MDN1: variants seen among roughly 807,000 people sequenced by gnomAD.
MDN1 encodes the protein midasin.
Under a neutral mutation model 669.2 loss-of-function variants are expected in MDN1, and 266 were observed. The ratio of observed to expected loss-of-function variants is 0.40; its 90% confidence interval spans 0.36 to 0.44. The LOEUF is 0.44. MDN1 is among the 20% of genes least tolerant of loss of function. The probability of loss-of-function intolerance (pLI) is 1.00; values close to 1 mark genes in which losing one functional copy is unlikely to be tolerated. For missense variants in MDN1, 5,940 were observed against 6,754.0 expected (o/e 0.88, Z 4.22); for synonymous variants, 2,385 against 2,457.1 (o/e 0.97, Z 0.87).
At chr6:89,701,194 C>A (rs749688817) in intron 55 of MDN1, among the ~76,000 whole-genome samples, 1 of 152,168 alleles carries the variant, frequency 6.6e-6, no homozygotes, top group Admixed American at 6.5e-5. Flanking sequence ...TGGATGGTTG[C>A]GTCTGTGCTG....
chr6:89,664,439 A>C (rs1562053270), intron 85 of MDN1, 48 bp downstream of exon 85: 3 of 1,602,254 alleles, frequency 1.9e-6, no homozygotes, highest in Non-Finnish European at 2.6e-6. Context: ...CCTGGATAAA[A>C]TATTTATGCT....
In MDN1 at chr6:89,685,694, T is replaced by A. The variant is rs1269953343; in HGVS notation, c.11719+133A>T. The A allele has an allele frequency of 1.0e-5, 10 of 954,446 alleles. No individual in the cohort carries two copies. The Admixed American group carries it at 2.8e-4, about 27-fold the overall frequency. 59.1% of individuals were successfully genotyped at this position (954,446 alleles called of 1,614,324 possible). A position where few individuals can be genotyped will look rare whatever the true frequency, so the allele number is the denominator to read the frequency against. On this transcript the variant is annotated intron_variant, in intron 70 of 101. Coordinates refer to ENST00000369393, the MANE Select transcript of MDN1 (RefSeq NM_014611.3). The stretch of plus-strand genomic sequence containing the variant: ...TGTTCTTCTCTATATCTAATGTGAA[T>A]CGCATTAAACATAACTAAATGTGTC...
chr6:89,743,302 A>G (rs1251975085), intron 30 of MDN1, 22 bp from the exon 31 acceptor site: 3 of 1,613,742 alleles, frequency 1.9e-6, no homozygotes, highest in Admixed American at 3.3e-5. Flanking sequence ...AAAAGTGGGG[A>G]AAATTAAAGG....
chr6:89,777,712 C>T (rs1001470885), intron 11 of MDN1, among the ~76,000 whole-genome samples: 1 of 152,114 alleles, frequency 6.6e-6, no homozygotes, highest in African/African-American at 2.4e-5. Context: ...AGGTGATTTT[C>T]AGATTTTTGC....
In MDN1 at chr6:89,688,008, A is replaced by C. The variant is rs1812135480; in HGVS notation, c.11355+70T>G. 7 of 1,303,426 alleles carry C rather than the reference A, an allele frequency of 5.4e-6. No individual in the cohort carries two copies. The South Asian group carries it at 8.4e-5, about 16-fold the overall frequency. 80.7% of individuals were successfully genotyped at this position (1,303,426 alleles called of 1,614,324 possible). ...AACTATAATTTTCTGTCTAACAACAAAGGTGCCACAAGACGTATCTTTTGC... is the reference window on the plus strand; with the variant it reads ...AACTATAATTTTCTGTCTAACAACACAGGTGCCACAAGACGTATCTTTTGC... On this transcript the variant is annotated intron_variant, in intron 67 of 101. Transcript: ENST00000369393.
rs1811026842 is a variant in MDN1, at chr6:89,674,219, G to A, written c.13132C>T (p.His4378Tyr). Reference sequence around the variant, plus strand: ...CTCGTAGTTGACTGTTGCCAAAGGTGATCCTGTTTCCGCATCCGGCAACCA... The same window carrying A: ...CTCGTAGTTGACTGTTGCCAAAGGTAATCCTGTTTCCGCATCCGGCAACCA... ...PSGCRMRKQD[H>Y]LWQQSTTRLT... Residue 4378 changes from histidine (H) to tyrosine (Y), a missense_variant, in exon 79 of 102, where the codon CAC becomes TAC. This residue lies in a region of MDN1 where 2,280 missense variants were observed against 2,576.3 expected (regional missense o/e 0.88). Coordinates refer to ENST00000369393, the MANE Select transcript of MDN1 (RefSeq NM_014611.3). The A allele has an allele frequency of 2.5e-6, 4 of 1,614,232 alleles. No homozygotes were observed. The South Asian group carries it at 3.3e-5, about 13-fold the overall frequency.
chr6:89,721,151 A>G (rs1814790620), intron 40 of MDN1, among the ~76,000 whole-genome samples: 1 of 152,160 alleles, frequency 6.6e-6, no homozygotes, highest in Non-Finnish European at 1.5e-5. Context: ...AAAAATAAGA[A>G]CAGCTTTTCG....
chr6:89,762,265 A>T (rs1211257445), intron 16 of MDN1, 54 bp downstream of exon 16: 2 of 1,437,750 alleles, frequency 1.4e-6, no homozygotes, highest in East Asian at 4.6e-5. Flanking sequence ...CTAATATGTT[A>T]ACTAAAGCCC....
intron 6 of MDN1, 88 bp from the exon 7 acceptor site, chr6:89,789,999 G>C: frequency 6.3e-7 from 1 of 1,582,078 alleles, no homozygotes; most frequent in African/African-American, 1.4e-5. Context: ...TCTTCTATAG[G>C]TAGGTGTAAG....
rs906867716 is a variant in MDN1, at chr6:89,751,505, T to C, written c.3153A>G (p.Thr1051=). 3.1e-6 allele frequency: 5 copies of C among 1,614,202 alleles called. No individual in the cohort carries two copies. Among genetic ancestry groups the C allele is most frequent in the African/African-American group, 1.3e-5 (1 of 75,052 alleles). ...ATGTCAGAATGTACGTCTCATCTATTGTAGGCTCCTTGTCTCCCACCGCAA... is the reference window on the plus strand; with the variant it reads ...ATGTCAGAATGTACGTCTCATCTATCGTAGGCTCCTTGTCTCCCACCGCAA... The part of the protein sequence containing the change: ...YWIAVGDKEP[T]IDETYILTSS... The change falls in exon 23 of 102, where the codon ACA becomes ACG. Residue 1051 remains threonine, a synonymous_variant. Coordinates refer to ENST00000369393, the MANE Select transcript of MDN1 (RefSeq NM_014611.3).
intron 12 of MDN1, among the ~76,000 whole-genome samples, chr6:89,775,420 C>G (rs530924514): frequency 7.6e-4 from 115 of 152,254 alleles, no homozygotes; most frequent in Non-Finnish European, 1.5e-3. Context: ...ATTTCAGAAG[C>G]CTTATAAAAA....
intron 60 of MDN1, 50 bp from the exon 61 acceptor site, chr6:89,696,042 C>A: frequency 6.5e-7 from 1 of 1,537,892 alleles, no homozygotes; most frequent in Non-Finnish European, 8.8e-7. Flanking sequence ...TATCAAAAAG[C>A]ATTCCTTTTC....
intron 101 of MDN1, among the ~76,000 whole-genome samples, chr6:89,644,414 A>T (rs1385905055): frequency 2.0e-5 from 3 of 152,194 alleles, no homozygotes; most frequent in African/African-American, 7.2e-5. Context: ...GACACTGAAA[A>T]AAAGGAAAAG....
At chr6:89,747,646 C>T (rs779930614) in intron 26 of MDN1, among the ~76,000 whole-genome samples, 176 bp from the exon 27 acceptor site, 7 of 151,850 alleles carry the variant, frequency 4.6e-5, no homozygotes, top group Non-Finnish European at 8.8e-5. Flanking sequence ...AATCCCAGCA[C>T]TTTGGAAGGC....
chr6:89,715,842 G>T (rs1167823718), intron 44 of MDN1, 73 bp from the exon 45 acceptor site: 2 of 941,362 alleles, frequency 2.1e-6, no homozygotes, highest in South Asian at 2.6e-5. Flanking sequence ...CATGCACGGG[G>T]CTCCAAATGC....
At position 89,674,595 on chromosome 6, in the gene MDN1, C is replaced by T. The variant is rs192826635; in HGVS notation, c.12762-6G>A. The T allele has an allele frequency of 3.3e-6, 5 of 1,521,836 alleles. No individual in the cohort carries two copies. The East Asian group carries it at 9.1e-5, about 28-fold the overall frequency. The allele number at this position is 1,521,836 out of a possible 1,614,324, so 94.3% of individuals were successfully genotyped here. ...GCACACAGCTGAGGAGGTTCCTGTA[C>T]AGAGAAACCCATGGGAAAAACACAA... On this transcript the variant is annotated splice_region_variant and splice_polypyrimidine_tract_variant and intron_variant, in intron 78 of 101. Transcript: ENST00000369393.
In MDN1 at chr6:89,713,216, C is replaced by G; in HGVS notation, c.7150G>C (p.Asp2384His). ...VQYLQRGLSL[D>H]RAFSEACWEV... ...CAGCATGCTTCAGAAAAGGCTCTGT[C>G]TAAACTCAGCCCTCGCTGCAGGTAC... The change falls in exon 47 of 102, where the codon GAC becomes CAC. Residue 2384 changes from aspartate (D) to histidine (H), a missense_variant. Asp to His is a moderately conservative substitution (Grantham distance 81, BLOSUM62 -1). Around this residue, in one of 5 missense-constraint regions of MDN1, gnomAD observed 2,292 missense variants for 2,638.3 expected, o/e 0.87. Transcript: ENST00000369393. The G allele has an allele frequency of 6.2e-7, 1 of 1,614,130 alleles. No homozygotes were observed. Among genetic ancestry groups the G allele is most frequent in the Non-Finnish European group, 8.5e-7 (1 of 1,179,994 alleles).
intron 61 of MDN1, among the ~76,000 whole-genome samples, chr6:89,694,436 A>C (rs563875465): frequency 6.6e-6 from 1 of 152,346 alleles, no homozygotes; most frequent in Non-Finnish European, 1.5e-5. Flanking sequence ...TCCAACTAAT[A>C]TAATTTTCCT....
intron 2 of MDN1, among the ~76,000 whole-genome samples, chr6:89,795,778 C>G (rs540907372): frequency 1.3e-5 from 2 of 151,738 alleles, no homozygotes; most frequent in African/African-American, 4.8e-5. Flanking sequence ...TATGGTGAAA[C>G]CCCATCTCTA....
Sources: gnomAD v4.1 joint callset for allele counts (sites outside exome capture counted in the v4.1 genomes callset) on GRCh38, gnomAD v4.1.1 for gene constraint, gnomAD v4.1.1 regional missense constraint, MANE v1.5 for transcripts, NCBI Gene and HGNC (gene_info 2026-07-23, HGNC 2026-07-21) for gene names.